MED1: variants seen among roughly 807,000 people sequenced by gnomAD.
The protein encoded by MED1 is mediator complex subunit 1.
In MED1, 17 loss-of-function variants were observed where a neutral mutation model predicts 121.3. The observed-to-expected ratio is 0.14, with a 90% confidence interval of 0.10 to 0.21. MED1 has a LOEUF of 0.21. Ranked by LOEUF, MED1 falls within the 10% of genes least tolerant of loss-of-function variation. MED1 has a pLI of 1.00. For synonymous variants in MED1, 661 were observed against 694.4 expected, an observed-to-expected ratio of 0.95 and a Z score of 0.76; for missense variants, 1,558 against 1,919.4, an observed-to-expected ratio of 0.81 and a Z score of 3.52.
intron 6 of MED1, 88 bp from the exon 7 acceptor site, chr17:39,434,408 A>T: frequency 3.0e-6 from 2 of 661,852 alleles, no homozygotes; most frequent in South Asian, 4.3e-5. Flanking sequence ...CAAAAATCAC[A>T]GCTATATAAA....
At chr17:39,420,195 C>T (rs2048447566) in intron 13 of MED1, among the ~76,000 whole-genome samples, 1 of 148,714 alleles carries the variant, frequency 6.7e-6, no homozygotes, top group African/African-American at 2.5e-5. Context: ...AATGCAAAAT[C>T]TCTTTTTTTT....
In MED1 at chr17:39,408,119, A is replaced by G. The variant is rs753701090; in HGVS notation, c.4102T>C (p.Ser1368Pro). ...SDKDKSKVST[S>P]GSSVDSSKKT... The stretch of plus-strand genomic sequence containing the variant: ...TTAGAAGAATCCACTGAACTCCCGG[A>G]GGTGGAAACCTTTGATTTGTCTTTA... The change falls in exon 17 of 17, where the codon TCC (serine) becomes CCC (proline). Residue 1368 changes from serine (S) to proline (P), a missense_variant. Around this residue, in one of 5 missense-constraint regions of MED1, gnomAD observed 264 missense variants for 326.1 expected, o/e 0.81. Transcript: ENST00000300651. The surrounding 1 kb of genome is among the most constrained non-coding windows in gnomAD (Gnocchi z 4.7). 64 of 1,613,960 alleles carry G rather than the reference A, an allele frequency of 4.0e-5. No homozygotes were observed. Among genetic ancestry groups the G allele is most frequent in the Non-Finnish European group, 5.1e-5 (60 of 1,180,046 alleles).
At chr17:39,436,767 ATTCT>A (rs2048622693) in intron 6 of MED1, among the ~76,000 whole-genome samples, 1 of 151,934 alleles carries the variant, frequency 6.6e-6, no homozygotes, top group African/African-American at 2.4e-5. Context: ...TCCACACATA[ATTCT>A]TTATTATTTT....
chr17:39,423,079 C>A (rs752915735), intron 13 of MED1, among the ~76,000 whole-genome samples: 5 of 151,668 alleles, frequency 3.3e-5, no homozygotes, highest in Non-Finnish European at 5.9e-5. Context: ...GTTGGCCAGG[C>A]TGGTCTCGAA....
At chr17:39,442,599 A>G (rs1296050253) in intron 3 of MED1, among the ~76,000 whole-genome samples, 16 of 24,824 alleles carry the variant, frequency 6.4e-4, no homozygotes, top group South Asian at 0.013. Context: ...ACCGTCTCGG[A>G]AAAAAAAAAA....
intron 1 of MED1, among the ~76,000 whole-genome samples, chr17:39,450,117 T>G (rs995345704): frequency 2.1e-4 from 18 of 85,006 alleles, no homozygotes; most frequent in Non-Finnish European, 3.9e-4. Flanking sequence ...CCCGGCAATT[T>G]TTTTATTTTT....
rs144956489 is a variant in MED1 at position 39,407,536 on chromosome 17, G to A, written c.4685C>T (p.Pro1562Leu). The A allele has an allele frequency of 2.5e-5, 40 of 1,614,046 alleles. No homozygotes were observed. The African/African-American group carries it at 4.4e-4, about 18-fold the overall frequency. The part of the protein sequence containing the change: ...LSADRPSRLS[P>L]DFMIGEEDDD... ...ATCTTCCTCCCCAATCATAAAGTCT[G>A]GGCTGAGCCTTGAGGGTCTGTCTGC... The change falls in exon 17 of 17, where the codon CCA becomes CTA. Residue 1562 changes from proline to leucine, a missense_variant. Coordinates refer to ENST00000300651, the MANE Select transcript of MED1 (RefSeq NM_004774.4).
chr17:39,407,612 G>A lies in MED1; in HGVS notation c.4609C>T (p.Pro1537Ser), dbSNP rs755077180. 18 of 1,613,930 alleles carry A rather than the reference G, an allele frequency of 1.1e-5. No homozygotes were observed. The highest frequency in any genetic ancestry group is 1.3e-5 in the African/African-American group (1 of 74,878). Residue 1537 changes from proline to serine, a missense_variant, in exon 17 of 17, where the codon CCC (proline) becomes TCC (serine). Around this residue, in one of 5 missense-constraint regions of MED1, gnomAD observed 264 missense variants for 326.1 expected, o/e 0.81. Transcript: ENST00000300651. ...SIKPESWSKS[P>S]ISSDQSLSMT... ...GACAAGGACTGGTCTGAAGAGATGG[G>A]TGATTTGGACCAACTCTCTGGCTTG... is the stretch of plus-strand genomic sequence containing the variant.
intron 2 of MED1, 135 bp downstream of exon 2, chr17:39,447,663 A>G (rs2048741544): frequency 3.6e-6 from 2 of 560,214 alleles, no homozygotes; most frequent in Non-Finnish European, 6.3e-6. Flanking sequence ...TAGATACAAT[A>G]GACTCCTAAA....
At chr17:39,416,543 A>AT (rs1042477978) in intron 14 of MED1, among the ~76,000 whole-genome samples, 1 of 152,204 alleles carries the variant, frequency 6.6e-6, no homozygotes, top group Non-Finnish European at 1.5e-5. Flanking sequence ...ATGAAAACTC[A>AT]TTTTTAAATG....
intron 6 of MED1, among the ~76,000 whole-genome samples, chr17:39,435,794 T>A (rs143247221): frequency 3.6e-3 from 546 of 152,164 alleles, no homozygotes; most frequent in African/African-American, 0.012. Context: ...TTCCACCTCC[T>A]GAGTTCACGC....
chr17:39,430,956 G>T (rs1250176265), intron 9 of MED1, among the ~76,000 whole-genome samples, 159 bp downstream of exon 9: 3 of 150,578 alleles, frequency 2.0e-5, no homozygotes, highest in African/African-American at 7.3e-5. Context: ...GAGGTGGAAG[G>T]AGCAGTAAGC....
chr17:39,449,616 G>GAAGCA (rs1368046015), intron 1 of MED1, among the ~76,000 whole-genome samples: 1 of 147,536 alleles, frequency 6.8e-6, no homozygotes, highest in Non-Finnish European at 1.5e-5. Context: ...GGGTTTGGGT[G>GAAGCA]ATTCTCCTGC....
chr17:39,407,696 C>T lies in MED1; in HGVS notation c.4525G>A (p.Asp1509Asn). The T allele has an allele frequency of 6.2e-7, 1 of 1,614,038 alleles. No individual in the cohort carries two copies. Among genetic ancestry groups the T allele is most frequent in the Non-Finnish European group, 8.5e-7 (1 of 1,179,990 alleles). ...KHKKEKKKVK[D>N]KDRDRDRDKD... ...TCCCGGTCTCGGTCCCTATCTTTGT[C>T]TTTTACTTTCTTCTTTTCCTTTTTG... Residue 1509 changes from aspartate (D) to asparagine (N), a missense_variant, in exon 17 of 17, where the codon GAC becomes AAC. Transcript: ENST00000300651.
chr17:39,408,544 C>T lies in MED1; in HGVS notation c.3677G>A (p.Ser1226Asn), dbSNP rs2144712909. The part of the protein sequence containing the change: ...PPSSKAKSPI[S>N]SGSGGSHMSG... Reference sequence around the variant, plus strand: ...CATATGAGAACCACCAGAACCTGAACTGATAGGGGACTTGGCTTTAGAGGA... The same window carrying T: ...CATATGAGAACCACCAGAACCTGAATTGATAGGGGACTTGGCTTTAGAGGA... Residue 1226 changes from serine (S) to asparagine (N), a missense_variant, in exon 17 of 17, where the codon AGT becomes AAT. Ser to Asn is a conservative substitution (Grantham distance 46). Transcript: ENST00000300651. The surrounding 1 kb of genome is among the most constrained non-coding windows in gnomAD (Gnocchi z 4.7). 4 of 1,614,194 alleles carry T rather than the reference C, an allele frequency of 2.5e-6. No individual in the cohort carries two copies. Among genetic ancestry groups the T allele is most frequent in the Non-Finnish European group, 3.4e-6 (4 of 1,180,044 alleles).
rs1415992397 is a variant in MED1, at chr17:39,431,098, A to T, written c.649+17T>A. On this transcript the variant is annotated intron_variant, in intron 9 of 16. Coordinates refer to ENST00000300651, the MANE Select transcript of MED1 (RefSeq NM_004774.4). ...AAATTACACATGTTTCTAAACAAGC[A>T]AAATAGGATCACGTACCCCCACTCC... 6.3e-7 allele frequency: 1 copy of T among 1,595,984 alleles called. No homozygotes were observed. The highest frequency in any genetic ancestry group is 1.7e-5 in the Admixed American group (1 of 59,248).
chr17:39,439,300 T>C, intron 5 of MED1, 107 bp from the exon 6 acceptor site: 1 of 787,990 alleles, frequency 1.3e-6, no homozygotes, highest in Non-Finnish European at 2.0e-6. Context: ...AACAAAACCA[T>C]TAAAACTACA....
chr17:39,450,328 C>G (rs2048770442), intron 1 of MED1, among the ~76,000 whole-genome samples: 1 of 152,156 alleles, frequency 6.6e-6, no homozygotes, highest in Non-Finnish European at 1.5e-5. Context: ...TACTTCGATG[C>G]TCCAACACTT....
chr17:39,409,840 G>C lies in MED1; in HGVS notation c.2381C>G (p.Pro794Arg), dbSNP rs1373601584. 6.2e-7 allele frequency: 1 copy of C among 1,614,042 alleles called. No homozygotes were observed. The highest frequency in any genetic ancestry group is 8.5e-7 in the Non-Finnish European group (1 of 1,180,042). The change falls in exon 17 of 17, where the codon CCC (proline) becomes CGC (arginine). Residue 794 changes from proline (P) to arginine (R), a missense_variant. This residue lies in a region of MED1 where 793 missense variants were observed against 898.2 expected (regional missense o/e 0.88). Transcript: ENST00000300651. Reference sequence around the variant, plus strand: ...GGCTGGGCAATCATCACTAGTGCTGGGAAGTTTAGAAGCTTCTTCTGCAAT... The same window carrying C: ...GGCTGGGCAATCATCACTAGTGCTGCGAAGTTTAGAAGCTTCTTCTGCAAT... ...SDIAEEASKL[P>R]STSDDCPAIG...
Sources: allele counts gnomAD v4.1 joint callset (sites outside exome capture counted in the v4.1 genomes callset), GRCh38; gene constraint gnomAD v4.1.1; regional missense constraint gnomAD v4.1.1; non-coding constraint Gnocchi (gnomAD v3.1); transcripts MANE v1.5; gene names NCBI Gene and HGNC (gene_info 2026-07-23, HGNC 2026-07-21).